Variants in RIMS1 observed in about 807,000 individuals in gnomAD.
RIMS1 encodes regulating synaptic membrane exocytosis protein 1.
Under a neutral mutation model 214.1 loss-of-function variants are expected in RIMS1, and 83 were observed. That is an observed-to-expected ratio of 0.39 (90% CI 0.32 to 0.47). The LOEUF (loss-of-function observed/expected upper bound fraction) is 0.47, where lower values mean the gene tolerates loss of function less well. Among genes scored for constraint, RIMS1 ranks in the 20% least tolerant of loss-of-function variants. The probability of loss-of-function intolerance (pLI) is 0.99; values close to 1 mark genes in which losing one functional copy is unlikely to be tolerated. For synonymous variants in RIMS1, 793 were observed against 786.8 expected, an observed-to-expected ratio of 1.01 and a Z score of -0.13; for missense variants, 2,050 against 2,161.8, an observed-to-expected ratio of 0.95 and a Z score of 1.03.
rs116335472 is a variant in RIMS1, at chr6:72,045,226, A to G, written c.246-51723A>G. Among the ~76,000 whole-genome samples the G allele has an allele frequency of 7.4e-3, 1,132 of 152,030 alleles. 10 individuals are homozygous for G. Among genetic ancestry groups the G allele is most frequent in the African/African-American group, 0.026 (1,071 of 41,548 alleles). On this transcript the variant is annotated intron_variant, in intron 2 of 33. Coordinates refer to ENST00000521978, the MANE Select transcript of RIMS1 (RefSeq NM_014989.7). ...CAAAGGGATATAAGGGTACTTGTAAAGATGATAATGTTTTATATCTTTATT... is the reference window on the plus strand; with the variant it reads ...CAAAGGGATATAAGGGTACTTGTAAGGATGATAATGTTTTATATCTTTATT...
intron 23 of RIMS1, among the ~76,000 whole-genome samples, chr6:72,281,972 C>T (rs1386411304): frequency 6.6e-6 from 1 of 150,392 alleles, no homozygotes; most frequent in East Asian, 1.9e-4. Context: ...TTTTTTTTTC[C>T]ACAGACATAT....
At chr6:72,230,250 G>A (rs751020429) in intron 6 of RIMS1, among the ~76,000 whole-genome samples, 6 of 151,636 alleles carry the variant, frequency 4.0e-5, no homozygotes, top group Non-Finnish European at 7.4e-5. Context: ...CTTAGAATTG[G>A]TTTGAATTCC....
At chr6:72,262,371 G>T (rs2078421680) in intron 19 of RIMS1, 1 of 977,926 alleles carries the variant, frequency 1.0e-6, no homozygotes, top group African/African-American at 1.8e-5. Flanking sequence ...AATCATATTT[G>T]TATGTATACA....
At chr6:72,090,150 C>T (rs1174176668) in intron 2 of RIMS1, among the ~76,000 whole-genome samples, 2 of 152,110 alleles carry the variant, frequency 1.3e-5, no homozygotes, top group East Asian at 1.9e-4. Flanking sequence ...TGCACATGTA[C>T]CCTAAAACTT....
chr6:72,033,056 T>C (rs968186667), intron 2 of RIMS1, among the ~76,000 whole-genome samples: 1 of 152,214 alleles, frequency 6.6e-6, no homozygotes, highest in African/African-American at 2.4e-5. Flanking sequence ...AAAAGATATG[T>C]AGACATTTTT....
intron 4 of RIMS1, among the ~76,000 whole-genome samples, chr6:72,159,692 A>G (rs2045025116): frequency 7.1e-6 from 1 of 140,114 alleles, no homozygotes; most frequent in Admixed American, 7.3e-5. Flanking sequence ...CAAAGATCAG[A>G]TAGTTGTAGA....
intron 1 of RIMS1, among the ~76,000 whole-genome samples, chr6:71,957,977 T>C (rs890967065): frequency 9.2e-5 from 14 of 152,272 alleles, no homozygotes; most frequent in Middle Eastern, 3.4e-3. Flanking sequence ...TCTAATGCTA[T>C]GGCAACTTAT....
chr6:72,374,114 C>T (rs1262412412), intron 29 of RIMS1, among the ~76,000 whole-genome samples: 1 of 152,036 alleles, frequency 6.6e-6, no homozygotes, highest in African/African-American at 2.4e-5. Context: ...GGGGTTTCAG[C>T]GTGTTGGCCA....
chr6:71,931,846 C>A (rs1783138119), intron 1 of RIMS1, among the ~76,000 whole-genome samples: 1 of 151,812 alleles, frequency 6.6e-6, no homozygotes, highest in African/African-American at 2.4e-5. Context: ...GAATGGTATA[C>A]ATGCAGCCAG....
chr6:72,271,096 T>C (rs2082842737), intron 22 of RIMS1, among the ~76,000 whole-genome samples: 1 of 151,602 alleles, frequency 6.6e-6, no homozygotes, highest in South Asian at 2.1e-4. Flanking sequence ...TGAAACCCCG[T>C]CTCTATGAAA....
rs767469890 is a variant in RIMS1 at position 72,258,997 on chromosome 6, A to C, written c.2939A>C (p.Glu980Ala). 10 of 1,612,676 alleles carry C rather than the reference A, an allele frequency of 6.2e-6. No individual in the cohort carries two copies. The highest frequency in any genetic ancestry group is 8.5e-6 in the Non-Finnish European group (10 of 1,179,014). The change falls in exon 18 of 34, where the codon GAA becomes GCA. Residue 980 changes from glutamate to alanine, a missense_variant. Around this residue, in one of 6 missense-constraint regions of RIMS1, gnomAD observed 889 missense variants for 885.5 expected, o/e 1.00. Transcript: ENST00000521978. ...TGTAATCATTTTAGGAGTTTAGATG[A>C]AATTCATCCAACAAGAAGGTCACGT... ...PNVPLQRSLD[E>A]IHPTRRSRSP...
chr6:72,313,811 C>A, intron 28 of RIMS1, 139 bp downstream of exon 28: 1 of 837,944 alleles, frequency 1.2e-6, no homozygotes, highest in Non-Finnish European at 1.8e-6. Context: ...GTAGTATTGC[C>A]AACAGAATGT....
intron 6 of RIMS1, among the ~76,000 whole-genome samples, chr6:72,202,176 G>A (rs146114093): frequency 2.3e-4 from 35 of 152,268 alleles, no homozygotes; most frequent in Middle Eastern, 6.8e-3. Flanking sequence ...AGGCTGCTGT[G>A]TACCACATGA....
Position 72,188,147 on chromosome 6 carries a change from A to G in RIMS1, c.1678+4998A>G, listed in dbSNP as rs190379852. Among the ~76,000 whole-genome samples, 348 of 152,294 alleles carry G rather than the reference A, an allele frequency of 2.3e-3. 2 individuals are homozygous for G. Among genetic ancestry groups the G allele is most frequent in the African/African-American group, 8.0e-3 (332 of 41,548 alleles). The stretch of plus-strand genomic sequence containing the variant: ...GATTGAGTGTGGGTCGGCCTTTCCC[A>G]GTCCACTGACTCAAATGTTAATCTC... On this transcript the variant is annotated intron_variant, in intron 6 of 33. Transcript: ENST00000521978.
chr6:72,235,584 A>AT (rs780939500), intron 7 of RIMS1, 34 bp from the exon 8 acceptor site: 33 of 1,350,564 alleles, frequency 2.4e-5, no homozygotes, highest in Non-Finnish European at 3.4e-5. Flanking sequence ...CATTCTGTAT[A>AT]TATTACTTTT....
chr6:72,009,994 A>T (rs1809719125), intron 2 of RIMS1, among the ~76,000 whole-genome samples: 1 of 152,208 alleles, frequency 6.6e-6, no homozygotes, highest in Non-Finnish European at 1.5e-5. Context: ...CATCATCCTC[A>T]TACCAAAACC....
At chr6:72,272,954 A>G (rs1039221814) in intron 22 of RIMS1, among the ~76,000 whole-genome samples, 4 of 152,204 alleles carry the variant, frequency 2.6e-5, no homozygotes, top group Non-Finnish European at 4.4e-5. Context: ...ATTTTTAAAA[A>G]TTAAATAAAG....
intron 28 of RIMS1, chr6:72,316,708 GTGTCTAGATCCCAGAGC>G (rs1446312708): frequency 1.6e-5 from 10 of 639,168 alleles, no homozygotes; most frequent in Non-Finnish European, 2.4e-5. Flanking sequence ...CTGGAAGAGG[GTGTCTAGATCCCAGAGC>G]AGCCTGGGGG....
intron 2 of RIMS1, among the ~76,000 whole-genome samples, chr6:72,012,755 G>A (rs1405887419): frequency 1.3e-5 from 2 of 152,178 alleles, no homozygotes; most frequent in Admixed American, 6.6e-5. Context: ...GGAATGTGAT[G>A]TGAAGCCTTT....
Sources: gnomAD v4.1 joint callset for allele counts (sites outside exome capture counted in the v4.1 genomes callset) on GRCh38, gnomAD v4.1.1 for gene constraint, gnomAD v4.1.1 regional missense constraint, MANE v1.5 for transcripts, NCBI Gene and HGNC (gene_info 2026-07-23, HGNC 2026-07-21) for gene names.